NAALADL2: variants seen among roughly 807,000 people sequenced by gnomAD.
NAALADL2 encodes inactive N-acetylated-alpha-linked acidic dipeptidase-like protein 2.
Under a neutral mutation model 87.2 loss-of-function variants are expected in NAALADL2, and 76 were observed. The ratio of observed to expected loss-of-function variants is 0.87; its 90% CI spans 0.72 to 1.05. The LOEUF is 1.05. Ranked by LOEUF, NAALADL2 falls within the 50% of genes least tolerant of loss-of-function variation. The probability of loss-of-function intolerance (pLI) is 0.00; values close to 1 mark genes in which losing one functional copy is unlikely to be tolerated. For missense variants in NAALADL2, 1,089 were observed against 945.8 expected, an observed-to-expected ratio of 1.15 and a Z score of -1.99; for synonymous variants, 354 against 331.0, an observed-to-expected ratio of 1.07 and a Z score of -0.75.
chr3:175,284,072 C>T (rs372370072), intron 4 of NAALADL2, among the ~76,000 whole-genome samples: 6 of 152,086 alleles, frequency 3.9e-5, no homozygotes, highest in African/African-American at 1.4e-4. Flanking sequence ...TGGGTTTCTT[C>T]CCAACAATAT....
At chr3:174,513,768 T>C (rs1176515399) in intron 1 of NAALADL2, among the ~76,000 whole-genome samples, 1 of 152,200 alleles carries the variant, frequency 6.6e-6, no homozygotes, top group Non-Finnish European at 1.5e-5. Flanking sequence ...TTATTATAAA[T>C]ATCTGGATTT....
chr3:175,784,287 C>T (rs1751583584), intron 13 of NAALADL2, among the ~76,000 whole-genome samples: 1 of 152,008 alleles, frequency 6.6e-6, no homozygotes, highest in Admixed American at 6.5e-5. Flanking sequence ...GGTAGCAGTT[C>T]CTCCTTGTAC....
At chr3:175,681,544 A>T (rs1735594885) in intron 11 of NAALADL2, among the ~76,000 whole-genome samples, 1 of 152,226 alleles carries the variant, frequency 6.6e-6, no homozygotes, top group African/African-American at 2.4e-5. Flanking sequence ...AGCCTTAAAA[A>T]TCATACGCAT....
chr3:174,966,270 G>C (rs961046121), intron 1 of NAALADL2, among the ~76,000 whole-genome samples: 1 of 152,118 alleles, frequency 6.6e-6, no homozygotes, highest in Non-Finnish European at 1.5e-5. Context: ...CCCTCGGCCT[G>C]TCATAATATG....
At chr3:175,773,082 T>A (rs1749726508) in intron 13 of NAALADL2, 1 of 152,090 alleles carries the variant, frequency 6.6e-6, no homozygotes, top group African/African-American at 2.4e-5. Context: ...ATTAGTAAAC[T>A]CCAGTCTTCA....
At chr3:175,440,676 T>A (rs147957315) in intron 5 of NAALADL2, among the ~76,000 whole-genome samples, 4 of 152,244 alleles carry the variant, frequency 2.6e-5, no homozygotes, top group Admixed American at 2.0e-4. Context: ...CTTGATTCGA[T>A]TCTCAGCTTG....
chr3:174,940,142 G>A (rs781037841), intron 1 of NAALADL2, among the ~76,000 whole-genome samples: 31 of 152,144 alleles, frequency 2.0e-4, no homozygotes, highest in Non-Finnish European at 3.2e-4. Context: ...AATATTGGCT[G>A]TGCATTTGTC....
At chr3:174,793,980 G>A (rs1188478101) in intron 3 of NAALADL2, among the ~76,000 whole-genome samples, 1 of 151,888 alleles carries the variant, frequency 6.6e-6, no homozygotes, top group Non-Finnish European at 1.5e-5. Flanking sequence ...TTATAAGAAA[G>A]AAAAATAAAG....
intron 2 of NAALADL2, among the ~76,000 whole-genome samples, chr3:175,193,344 G>C (rs1738489066): frequency 6.6e-6 from 1 of 151,646 alleles, no homozygotes; most frequent in South Asian, 2.1e-4. Flanking sequence ...TAATTTTAGA[G>C]GGTTTATCTC....
intron 1 of NAALADL2, among the ~76,000 whole-genome samples, chr3:175,027,930 C>T (rs931282820): frequency 7.3e-5 from 11 of 151,516 alleles, no homozygotes; most frequent in South Asian, 2.1e-4. Flanking sequence ...TCTTGTATCT[C>T]GGTGGAACTG....
chr3:174,626,708 G>A (rs1721614103), intron 2 of NAALADL2, among the ~76,000 whole-genome samples: 1 of 151,828 alleles, frequency 6.6e-6, no homozygotes, highest in Non-Finnish European at 1.5e-5. Context: ...ATTTATTATT[G>A]TATTTTAAAG....
At chr3:174,626,596 A>G (rs1721600846) in intron 2 of NAALADL2, among the ~76,000 whole-genome samples, 2 of 152,132 alleles carry the variant, frequency 1.3e-5, no homozygotes, top group African/African-American at 4.8e-5. Context: ...CCATATAGCT[A>G]TTACAATTTT....
intron 1 of NAALADL2, among the ~76,000 whole-genome samples, chr3:175,064,554 C>T (rs1417926936): frequency 1.3e-5 from 2 of 152,208 alleles, no homozygotes; most frequent in African/African-American, 2.4e-5. Flanking sequence ...CTGGAGTAGC[C>T]GTGGCCTTGA....
chr3:175,711,879 G>A (rs1230240894), intron 11 of NAALADL2, among the ~76,000 whole-genome samples: 4 of 151,894 alleles, frequency 2.6e-5, no homozygotes, highest in Admixed American at 2.6e-4. Context: ...TATTTTAGAT[G>A]TAATTTTAAT....
intron 10 of NAALADL2, among the ~76,000 whole-genome samples, chr3:175,609,945 C>T (rs1158351816): frequency 6.6e-6 from 1 of 152,054 alleles, no homozygotes; most frequent in African/African-American, 2.4e-5. Context: ...TCTCTTTATA[C>T]TGGGTAAATC....
In NAALADL2 at chr3:174,964,474, G is replaced by C. The variant is rs570435466; in HGVS notation, c.43+105024G>C. 2.0e-5 allele frequency among the ~76,000 whole-genome samples: 3 copies of C among 152,022 alleles called. No homozygotes were observed. The South Asian group carries it at 6.2e-4, about 31-fold the overall frequency. On this transcript the variant is annotated intron_variant, in intron 1 of 13. Transcript: ENST00000454872. ...CTGATATTGGATAAAATCACCTTTG[G>C]AGTTTGTATAAATAAAAAAGAGAGG...
At chr3:175,481,310 T>C (rs1726422266) in intron 9 of NAALADL2, among the ~76,000 whole-genome samples, 1 of 151,428 alleles carries the variant, frequency 6.6e-6, no homozygotes. Context: ...TTTCAAAGAT[T>C]TCTTTGTCAT....
At chr3:175,306,761 G>A (rs558461912) in intron 4 of NAALADL2, among the ~76,000 whole-genome samples, 11 of 152,224 alleles carry the variant, frequency 7.2e-5, no homozygotes, top group East Asian at 5.8e-4. Flanking sequence ...CAGGAGGATC[G>A]CTTGAACCCT....
At chr3:175,604,735 C>T (rs78428604) in intron 10 of NAALADL2, among the ~76,000 whole-genome samples, 4 of 152,126 alleles carry the variant, frequency 2.6e-5, no homozygotes, top group African/African-American at 9.7e-5. Flanking sequence ...CTATATAATG[C>T]TCAGGGTTTC....
Sources: allele counts gnomAD v4.1 joint callset (sites outside exome capture counted in the v4.1 genomes callset), GRCh38; gene constraint gnomAD v4.1.1; transcripts MANE v1.5; gene names NCBI Gene and HGNC (gene_info 2026-07-23, HGNC 2026-07-21).